Variants in CDC42 observed in about 807,000 individuals in gnomAD.
CDC42 encodes cell division cycle 42.
CDC42 carries 1 observed loss-of-function variant against 20.8 expected under a neutral mutation model. That is an observed-to-expected ratio of 0.05 (90% CI 0.02 to 0.23). The LOEUF (loss-of-function observed/expected upper bound fraction) is 0.23, where lower values mean the gene tolerates loss of function less well. Among genes scored for constraint, CDC42 ranks in the 10% least tolerant of loss-of-function variants. The pLI is 1.00. For synonymous variants in CDC42, 72 were observed against 84.8 expected (o/e 0.85, Z 0.83); for missense variants, 49 against 227.9 (o/e 0.21, Z 5.05).
chr1:22,091,631 C>T lies in CDC42; in HGVS notation c.*114C>T. On this transcript the variant is annotated 3_prime_UTR_variant, in exon 6 of 6. Coordinates refer to ENST00000656825, the MANE Select transcript of CDC42 (RefSeq NM_001791.4). ...TTCGTTTTTGCAATAATGACAAATG[C>T]CCTGCACCTACCCACATGCACTCGT... 1 of 678,540 alleles carries T rather than the reference C, an allele frequency of 1.5e-6. No homozygotes were observed. Among genetic ancestry groups the T allele is most frequent in the Non-Finnish European group, 2.5e-6 (1 of 402,188 alleles). The allele number at this position is 678,540 out of a possible 1,614,324, so 42.0% of individuals were successfully genotyped here. A position where few individuals can be genotyped will look rare whatever the true frequency, so the allele number is the denominator to read the frequency against.
intron 3 of CDC42, 146 bp from the exon 4 acceptor site, chr1:22,086,289 TGAGA>T: frequency 1.8e-6 from 1 of 552,580 alleles, no homozygotes; most frequent in East Asian, 2.8e-5. Context: ...ATTAGCTGAT[TGAGA>T]ATATTGCCCA....
At chr1:22,084,319 T>A (rs1348198978) in intron 3 of CDC42, among the ~76,000 whole-genome samples, 1 of 146,416 alleles carries the variant, frequency 6.8e-6, no homozygotes, top group Non-Finnish European at 1.5e-5. Flanking sequence ...ATTCTTCTGT[T>A]CGACACTTAT....
chr1:22,096,536 C>T lies in CDC42; in HGVS notation c.*5019C>T, dbSNP rs1645759714. Reference sequence around the variant, plus strand: ...TTATTTATCAAAAACCTGTTCCCTTCCCTGGCACTGGAGACATTGGAGAAT... The same window carrying T: ...TTATTTATCAAAAACCTGTTCCCTTTCCTGGCACTGGAGACATTGGAGAAT... On this transcript the variant is annotated 3_prime_UTR_variant, in exon 6 of 6. Transcript: ENST00000656825. Among the ~76,000 whole-genome samples the T allele has an allele frequency of 6.6e-6, 1 of 152,238 alleles. No homozygotes were observed. The highest frequency in any genetic ancestry group is 2.4e-5 in the African/African-American group (1 of 41,472).
chr1:22,088,237 T>C (rs1645680442), intron 5 of CDC42, among the ~76,000 whole-genome samples: 1 of 152,236 alleles, frequency 6.6e-6, no homozygotes, highest in Non-Finnish European at 1.5e-5. Context: ...CTCATGTCCA[T>C]GTTAGACACT....
In CDC42 at chr1:22,100,311, C is replaced by T. The variant is rs1361933315; in HGVS notation, c.*8794C>T. ...GTTTGTATTAGTGATTTCACTTGACCTCAGTACAACTCTGTAAAAGAGGCA... is the reference window on the plus strand; with the variant it reads ...GTTTGTATTAGTGATTTCACTTGACTTCAGTACAACTCTGTAAAAGAGGCA... On this transcript the variant is annotated 3_prime_UTR_variant, in exon 6 of 6. Coordinates refer to ENST00000656825, the MANE Select transcript of CDC42 (RefSeq NM_001791.4). 6.6e-6 allele frequency among the ~76,000 whole-genome samples: 1 copy of T among 152,132 alleles called. No homozygotes were observed. The highest frequency in any genetic ancestry group is 1.9e-4 in the East Asian group (1 of 5,202).
rs115674525 is a variant in CDC42, at chr1:22,100,372, G to A, written c.*8855G>A. Among the ~76,000 whole-genome samples the A allele has an allele frequency of 3.4e-3, 518 of 152,314 alleles. 4 individuals carry two copies. The highest frequency in any genetic ancestry group is 0.012 in the African/African-American group (505 of 41,572). ...ATGTCATTTGTCAAATGGTAAAACT[G>A]AGGCGAAACAACTTGGCATTGTTGG... On this transcript the variant is annotated 3_prime_UTR_variant, in exon 6 of 6. Transcript: ENST00000656825.
chr1:22,074,884 A>T (rs1421585481), intron 1 of CDC42, among the ~76,000 whole-genome samples: 1 of 152,242 alleles, frequency 6.6e-6, no homozygotes, highest in Non-Finnish European at 1.5e-5. Context: ...AGGGCCTATT[A>T]GTTGTTTCAG....
In CDC42 at chr1:22,081,916, A is replaced by G. The variant is rs1645611944; in HGVS notation, c.178+122A>G. 5 of 669,692 alleles carry G rather than the reference A, an allele frequency of 7.5e-6. No individual in the cohort carries two copies. In the East Asian group the frequency reaches 1.3e-4, roughly 17 times the overall value. 41.5% of individuals were successfully genotyped at this position (669,692 alleles called of 1,614,324 possible). A position where few individuals can be genotyped will look rare whatever the true frequency, so the allele number is the denominator to read the frequency against. ...TACTTGCCTTTTGTTATTAGTTAGC[A>G]GGATTGAATATAATGATTGTCGATG... is the stretch of plus-strand genomic sequence containing the variant. On this transcript the variant is annotated intron_variant, in intron 3 of 5. Transcript: ENST00000656825.
At chr1:22,062,312 C>G (rs1645374988) in intron 1 of CDC42, among the ~76,000 whole-genome samples, 2 of 152,224 alleles carry the variant, frequency 1.3e-5, no homozygotes, top group Non-Finnish European at 2.9e-5. Context: ...ACTTCTACCT[C>G]ATCAGCTAGA....
intron 1 of CDC42, among the ~76,000 whole-genome samples, chr1:22,076,998 A>G (rs1645559485): frequency 6.6e-6 from 1 of 151,628 alleles, no homozygotes; most frequent in African/African-American, 2.4e-5. Flanking sequence ...ACAAAAACCA[A>G]ACAAAAACCC....
rs184652001 is a variant in CDC42 at position 22,069,001 on chromosome 1, G to T, written c.-50-9428G>T. 2.9e-3 allele frequency among the ~76,000 whole-genome samples: 448 copies of T among 152,160 alleles called. 2 individuals carry two copies. The highest frequency in any genetic ancestry group is 2.7e-3 in the Non-Finnish European group (181 of 68,006). ...CCACTGGAATTGTTGCTCCAAGAGGGCGTGAACTTTGTTATGTGAATTGTG... is the reference window on the plus strand; with the variant it reads ...CCACTGGAATTGTTGCTCCAAGAGGTCGTGAACTTTGTTATGTGAATTGTG... On this transcript the variant is annotated intron_variant, in intron 1 of 5. Coordinates refer to ENST00000656825, the MANE Select transcript of CDC42 (RefSeq NM_001791.4).
In CDC42 at chr1:22,078,505, G is replaced by A; in HGVS notation, c.27G>A (p.Val9=). ...TGCAGACAATTAAGTGTGTTGTTGT[G>A]GGCGATGGTGCTGTTGGTAAAACAT... MQTIKCVV[V]GDGAVGKTCL... Residue 9 remains valine (V), a synonymous_variant, in exon 2 of 6, where the codon GTG becomes GTA. Coordinates refer to ENST00000656825, the MANE Select transcript of CDC42 (RefSeq NM_001791.4). The A allele has an allele frequency of 6.2e-7, 1 of 1,612,472 alleles. No homozygotes were observed.
intron 1 of CDC42, among the ~76,000 whole-genome samples, chr1:22,056,127 A>G (rs931274098): frequency 3.3e-5 from 5 of 152,234 alleles, no homozygotes; most frequent in African/African-American, 1.2e-4. Context: ...GCTAATGCCT[A>G]GAATACTGCC....
rs1222501030 is a variant in CDC42, at chr1:22,099,877, G to A, written c.*8360G>A. On this transcript the variant is annotated 3_prime_UTR_variant, in exon 6 of 6. Coordinates refer to ENST00000656825, the MANE Select transcript of CDC42 (RefSeq NM_001791.4). ...CCATTTTTTCATATGTGGAAACTGA[G>A]GCATGTTATGATACAAAGCTTGTCC... 6.6e-6 allele frequency among the ~76,000 whole-genome samples: 1 copy of A among 150,914 alleles called. No homozygotes were observed. Among genetic ancestry groups the A allele is most frequent in the African/African-American group, 2.4e-5 (1 of 40,948 alleles).
chr1:22,082,980 A>G (rs1645624501), intron 3 of CDC42, among the ~76,000 whole-genome samples: 1 of 151,454 alleles, frequency 6.6e-6, no homozygotes, highest in African/African-American at 2.4e-5. Context: ...CCCAGGTTCA[A>G]GCGATTCTTC....
intron 1 of CDC42, among the ~76,000 whole-genome samples, chr1:22,065,965 G>GGCTA: frequency 6.6e-6 from 1 of 152,050 alleles, no homozygotes; most frequent in African/African-American, 2.4e-5. Flanking sequence ...TCACCATGTT[G>GGCTA]GCTAGGCTTG....
intron 3 of CDC42, among the ~76,000 whole-genome samples, chr1:22,086,178 G>T (rs972556549): frequency 6.6e-6 from 1 of 151,934 alleles, no homozygotes; most frequent in African/African-American, 2.4e-5. Flanking sequence ...TTTATTATTG[G>T]GTTTCTAATG....
chr1:22,081,831 T>C (rs749999939), intron 3 of CDC42, 37 bp downstream of exon 3: 6 of 1,283,256 alleles, frequency 4.7e-6, no homozygotes, highest in African/African-American at 4.4e-5. Flanking sequence ...TTTTGATCTT[T>C]AACAGTTGCT....
At position 22,099,693 on chromosome 1, in the gene CDC42, CCTT is replaced by C. The variant is rs956924111; in HGVS notation, c.*8181_*8183del. ...AGTTGTAGCATGAGAGAATATGACA[CCTT>C]CTTCCTTTAGAGGATCTAAAGGTGT... On this transcript the variant is annotated 3_prime_UTR_variant, in exon 6 of 6. Transcript: ENST00000656825. Among the ~76,000 whole-genome samples, 43 of 152,188 alleles carry C rather than the reference CCTT, an allele frequency of 2.8e-4. No homozygotes were observed. Among genetic ancestry groups the C allele is most frequent in the African/African-American group, 9.4e-4 (39 of 41,500 alleles).
Sources: allele counts gnomAD v4.1 joint callset (sites outside exome capture counted in the v4.1 genomes callset), GRCh38; gene constraint gnomAD v4.1.1; transcripts MANE v1.5; gene names NCBI Gene and HGNC (gene_info 2026-07-23, HGNC 2026-07-21).